MEIKIN: variants seen among roughly 807,000 people sequenced by gnomAD.
The protein encoded by MEIKIN is meiosis-specific kinetochore protein.
chr5:131,872,574 G>A (rs996428778), intron 9 of MEIKIN, among the ~76,000 whole-genome samples: 1 of 152,196 alleles, frequency 6.6e-6, no homozygotes, highest in Non-Finnish European at 1.5e-5. Flanking sequence ...AAAACACTCT[G>A]CAGGATATTA....
chr5:131,884,947 T>C (rs2149630685), intron 8 of MEIKIN, among the ~76,000 whole-genome samples: 1 of 151,020 alleles, frequency 6.6e-6, no homozygotes, highest in East Asian at 2.0e-4. Flanking sequence ...CCTCTGCCTG[T>C]GGAAAGAAGA....
At chr5:131,925,173 T>G (rs989449163) in intron 5 of MEIKIN, among the ~76,000 whole-genome samples, 7 of 152,230 alleles carry the variant, frequency 4.6e-5, no homozygotes, top group African/African-American at 7.2e-5. Flanking sequence ...TCATACTGTT[T>G]GAATTACTAT....
chr5:131,859,703 T>A (rs920496216), intron 9 of MEIKIN, among the ~76,000 whole-genome samples: 1 of 152,186 alleles, frequency 6.6e-6, no homozygotes, highest in Non-Finnish European at 1.5e-5. Context: ...GGTATTTTTT[T>A]AAATCACAAC....
chr5:131,907,636 G>A (rs1167727952), intron 8 of MEIKIN, among the ~76,000 whole-genome samples: 2 of 151,408 alleles, frequency 1.3e-5, no homozygotes, highest in Non-Finnish European at 2.9e-5. Context: ...CACTTTGGGA[G>A]GCCAAGGTGG....
At chr5:131,839,954 T>C (rs1273089940) in intron 11 of MEIKIN, among the ~76,000 whole-genome samples, 1 of 152,214 alleles carries the variant, frequency 6.6e-6, no homozygotes, top group Admixed American at 6.5e-5. Flanking sequence ...CACTGGTCTG[T>C]GTACTTCAGT....
At chr5:131,867,947 C>T (rs912541571) in intron 9 of MEIKIN, among the ~76,000 whole-genome samples, 1 of 152,158 alleles carries the variant, frequency 6.6e-6, no homozygotes, top group African/African-American at 2.4e-5. Context: ...ATCATGAAAC[C>T]ATTTTCCAAA....
At chr5:131,937,888 C>G (rs998918335) in intron 4 of MEIKIN, among the ~76,000 whole-genome samples, 1 of 151,790 alleles carries the variant, frequency 6.6e-6, no homozygotes, top group East Asian at 1.9e-4. Flanking sequence ...GGGGTGAGCA[C>G]AGTTTGCACC....
At chr5:131,828,336 T>C (rs1157562030) in intron 11 of MEIKIN, among the ~76,000 whole-genome samples, 1 of 152,048 alleles carries the variant, frequency 6.6e-6, no homozygotes, top group Non-Finnish European at 1.5e-5. Context: ...CTAATTTTTG[T>C]ATTTTTTTTA....
chr5:131,809,591 G>A (rs1024930275), intron 12 of MEIKIN, among the ~76,000 whole-genome samples: 1 of 152,000 alleles, frequency 6.6e-6, no homozygotes, highest in African/African-American at 2.4e-5. Context: ...GGTGGATCAC[G>A]AGGTCAGGAG....
chr5:131,840,853 C>T (rs1749893015), intron 11 of MEIKIN, among the ~76,000 whole-genome samples: 2 of 152,170 alleles, frequency 1.3e-5, no homozygotes, highest in Admixed American at 1.3e-4. Flanking sequence ...TCTGTCGTTT[C>T]AGTCATCTCT....
chr5:131,808,880 A>C (rs1272165851), intron 12 of MEIKIN, among the ~76,000 whole-genome samples: 1 of 152,154 alleles, frequency 6.6e-6, no homozygotes, highest in Non-Finnish European at 1.5e-5. Flanking sequence ...GTACGAGATC[A>C]GCCTGGGCAT....
chr5:131,908,124 A>T (rs1439785057), intron 8 of MEIKIN, among the ~76,000 whole-genome samples: 4 of 152,180 alleles, frequency 2.6e-5, no homozygotes, highest in African/African-American at 9.6e-5. Context: ...AGACAAAGAC[A>T]TATCAAAAAA....
intron 8 of MEIKIN, among the ~76,000 whole-genome samples, chr5:131,895,983 G>A (rs1228903208): frequency 1.3e-5 from 2 of 152,176 alleles, no homozygotes; most frequent in African/African-American, 4.8e-5. Context: ...ATGTTAGGGT[G>A]TCGATTTTGG....
chr5:131,859,439 A>C (rs907588826), intron 9 of MEIKIN, among the ~76,000 whole-genome samples: 10 of 152,192 alleles, frequency 6.6e-5, no homozygotes, highest in African/African-American at 2.4e-4. Flanking sequence ...ATGGCTTAGC[A>C]CCATCCCCTT....
At chr5:131,938,032 TTACTC>T (rs769427882) in intron 4 of MEIKIN, among the ~76,000 whole-genome samples, 35 of 152,268 alleles carry the variant, frequency 2.3e-4, no homozygotes, top group African/African-American at 7.7e-4. Flanking sequence ...TTCCTTCTGT[TTACTC>T]TATAATGTCT....
At position 131,863,815 on chromosome 5, in the gene MEIKIN, G is replaced by A. The variant is rs190573632; in HGVS notation, c.775-8981C>T. Among the ~76,000 whole-genome samples the A allele has an allele frequency of 1.1e-3, 167 of 152,028 alleles. 1 individual carries two copies. Among genetic ancestry groups the A allele is most frequent in the Admixed American group, 4.6e-4 (7 of 15,278 alleles). ...ATGCCGTTCTTGTGATAGTGAATAC[G>A]TCTCATGAGATCTGATGGTTTTGAA... On this transcript the variant is annotated intron_variant, in intron 9 of 12. Transcript: ENST00000442687.
intron 8 of MEIKIN, among the ~76,000 whole-genome samples, chr5:131,892,541 C>T (rs561846901): frequency 1.6e-3 from 250 of 152,308 alleles, no homozygotes; most frequent in African/African-American, 5.4e-3. Context: ...TCACGTAGTT[C>T]TTGTGCCGTG....
chr5:131,920,764 G>T lies in MEIKIN; in HGVS notation c.598+1058C>A, dbSNP rs529705254. Among the ~76,000 whole-genome samples the T allele has an allele frequency of 4.6e-5, 7 of 151,840 alleles. No individual in the cohort carries two copies. The East Asian group carries it at 1.4e-3, about 29-fold the overall frequency. On this transcript the variant is annotated intron_variant, in intron 6 of 12. Coordinates refer to ENST00000442687, the MANE Select transcript of MEIKIN (RefSeq NM_001303622.2). ...GCAGAAGTTCAGTGGTACAAACGTGGCTCACTGTAGCCTTGACCTCCTGGG... is the reference window on the plus strand; with the variant it reads ...GCAGAAGTTCAGTGGTACAAACGTGTCTCACTGTAGCCTTGACCTCCTGGG...
intron 9 of MEIKIN, among the ~76,000 whole-genome samples, chr5:131,859,002 T>G (rs1034544888): frequency 9.2e-5 from 14 of 152,200 alleles, no homozygotes; most frequent in Non-Finnish European, 1.8e-4. Context: ...TCAGCCACGG[T>G]GGAAAGCAAT....
Sources: gnomAD v4.1 joint callset for allele counts (sites outside exome capture counted in the v4.1 genomes callset) on GRCh38, gnomAD v4.1.1 for gene constraint, MANE v1.5 for transcripts, NCBI Gene and HGNC (gene_info 2026-07-23, HGNC 2026-07-21) for gene names.